Variants in GRIK2 observed in about 807,000 individuals in gnomAD.
The protein encoded by GRIK2 is glutamate ionotropic receptor kainate type subunit 2, also known as glutamate receptor ionotropic, kainate 2.
A neutral mutation model predicts 100.3 loss-of-function variants in GRIK2; 32 were observed. The ratio of observed to expected loss-of-function variants is 0.32; its 90% CI spans 0.24 to 0.43. GRIK2 has a LOEUF of 0.43. Among genes scored for constraint, GRIK2 ranks in the 20% least tolerant of loss-of-function variants. The pLI is 1.00. For synonymous variants in GRIK2, 417 were observed against 389.4 expected (o/e 1.07, Z -0.83); for missense variants, 843 against 1,114.9 (o/e 0.76, Z 3.47).
chr6:101,839,110 A>G (rs1021378891), intron 10 of GRIK2, among the ~76,000 whole-genome samples: 2 of 152,090 alleles, frequency 1.3e-5, no homozygotes, highest in Non-Finnish European at 2.9e-5. Flanking sequence ...CTTCAAACAC[A>G]ATTTTTTGTA....
intron 14 of GRIK2, among the ~76,000 whole-genome samples, chr6:102,008,915 C>A (rs1274395329): frequency 6.6e-6 from 1 of 151,888 alleles, no homozygotes; most frequent in Non-Finnish European, 1.5e-5. Flanking sequence ...TACATGTATA[C>A]ACACATGTCC....
intron 7 of GRIK2, among the ~76,000 whole-genome samples, chr6:101,760,560 T>TTATATATAATTATATA (rs1251861646): frequency 1.1e-4 from 10 of 94,606 alleles, no homozygotes; most frequent in African/African-American, 5.2e-4. Context: ...TTATATATAA[T>TTATATATAATTATATA]TAATTATATT....
chr6:101,702,442 T>C (rs1772965662), intron 7 of GRIK2, among the ~76,000 whole-genome samples: 1 of 152,030 alleles, frequency 6.6e-6, no homozygotes, highest in Admixed American at 6.6e-5. Context: ...GGCCAAATGT[T>C]AGCTTTGATT....
intron 6 of GRIK2, among the ~76,000 whole-genome samples, chr6:101,684,442 T>C (rs577089353): frequency 6.6e-6 from 1 of 152,286 alleles, no homozygotes; most frequent in African/African-American, 2.4e-5. Context: ...TGAACTGATG[T>C]GGATCAGTCT....
intron 14 of GRIK2, among the ~76,000 whole-genome samples, chr6:101,983,909 T>C (rs1032573228): frequency 4.0e-5 from 6 of 151,810 alleles, no homozygotes; most frequent in Non-Finnish European, 8.9e-5. Context: ...ACCATATATA[T>C]ATTTTTGAAA....
chr6:101,773,273 G>C (rs1778518253), intron 7 of GRIK2, among the ~76,000 whole-genome samples: 1 of 152,094 alleles, frequency 6.6e-6, no homozygotes, highest in Admixed American at 6.6e-5. Flanking sequence ...GAGGTGAGGA[G>C]ATCGAGACCA....
intron 15 of GRIK2, among the ~76,000 whole-genome samples, chr6:102,054,231 C>T (rs986128892): frequency 6.6e-6 from 1 of 152,096 alleles, no homozygotes; most frequent in African/African-American, 2.4e-5. Flanking sequence ...CTATGGTTCT[C>T]GTCTTTCTAC....
chr6:102,061,519 A>C (rs1771750353), intron 16 of GRIK2, among the ~76,000 whole-genome samples: 1 of 150,594 alleles, frequency 6.6e-6, no homozygotes, highest in Non-Finnish European at 1.5e-5. Flanking sequence ...TAGGAGTTTG[A>C]ATTAGATAAA....
chr6:101,772,327 C>T (rs1778455024), intron 7 of GRIK2, among the ~76,000 whole-genome samples: 1 of 152,158 alleles, frequency 6.6e-6, no homozygotes, highest in Non-Finnish European at 1.5e-5. Flanking sequence ...TATGTTTATA[C>T]CTGGAGCTAG....
chr6:101,401,607 G>T (rs1385037581), intron 2 of GRIK2, among the ~76,000 whole-genome samples: 1 of 152,196 alleles, frequency 6.6e-6, no homozygotes, highest in Non-Finnish European at 1.5e-5. Context: ...GACCTAAGTT[G>T]TGGGGAAGAA....
intron 2 of GRIK2, among the ~76,000 whole-genome samples, chr6:101,596,940 A>G (rs1209534786): frequency 1.3e-5 from 2 of 151,830 alleles, no homozygotes; most frequent in Non-Finnish European, 2.9e-5. Context: ...ACATGCACTT[A>G]TATGTTAATC....
At chr6:101,641,427 A>G (rs1781273055) in intron 4 of GRIK2, among the ~76,000 whole-genome samples, 1 of 151,980 alleles carries the variant, frequency 6.6e-6, no homozygotes, top group Non-Finnish European at 1.5e-5. Flanking sequence ...CCTATTAATA[A>G]CACAATGAAA....
intron 7 of GRIK2, among the ~76,000 whole-genome samples, chr6:101,692,257 C>G (rs1168521196): frequency 6.6e-6 from 1 of 152,014 alleles, no homozygotes; most frequent in Non-Finnish European, 1.5e-5. Context: ...ATCAAACCAA[C>G]TCAACATTTT....
chr6:101,778,673 A>C (rs1778894633), intron 7 of GRIK2, among the ~76,000 whole-genome samples: 3 of 152,126 alleles, frequency 2.0e-5, no homozygotes, highest in Admixed American at 6.6e-5. Flanking sequence ...GCTGAGAAAA[A>C]TTTTTAGTAC....
At chr6:101,534,142 T>A (rs1168240452) in intron 2 of GRIK2, among the ~76,000 whole-genome samples, 2 of 151,996 alleles carry the variant, frequency 1.3e-5, no homozygotes, top group East Asian at 1.9e-4. Flanking sequence ...GTTTTATTTT[T>A]TTTTTTTGAA....
rs644217 is a variant in GRIK2 at position 101,611,818 on chromosome 6, C to T, written c.116-10131C>T. Among the ~76,000 whole-genome samples, 765 of 151,798 alleles carry T rather than the reference C, an allele frequency of 5.0e-3. 8 individuals are homozygous for T. Among genetic ancestry groups the T allele is most frequent in the African/African-American group, 0.018 (749 of 41,444 alleles). Reference sequence around the variant, plus strand: ...CTTATTTATTTTTCCATGGTGTGTCCACGGGTCACATGTATATATGTTTTA... The same window carrying T: ...CTTATTTATTTTTCCATGGTGTGTCTACGGGTCACATGTATATATGTTTTA... On this transcript the variant is annotated intron_variant, in intron 2 of 16. Coordinates refer to ENST00000369134, the MANE Select transcript of GRIK2 (RefSeq NM_021956.5).
chr6:101,688,707 A>C (rs1771884636), intron 7 of GRIK2, among the ~76,000 whole-genome samples: 1 of 151,972 alleles, frequency 6.6e-6, no homozygotes, highest in South Asian at 2.1e-4. Context: ...CATTATATAT[A>C]AACCATGGAT....
intron 13 of GRIK2, among the ~76,000 whole-genome samples, chr6:101,926,985 T>G (rs555227488): frequency 5.2e-4 from 79 of 152,320 alleles, no homozygotes; most frequent in Non-Finnish European, 1.0e-3. Context: ...CCAATGCTGC[T>G]CATCATCTTG....
At chr6:101,547,984 T>G (rs56321518) in intron 2 of GRIK2, among the ~76,000 whole-genome samples, 43,680 of 151,146 alleles carry the variant, frequency 0.29, 7,992 homozygotes, top group Non-Finnish European at 0.41. Flanking sequence ...AGCACCTGTT[T>G]TTTCCTGACT....
Sources: gnomAD v4.1 joint callset for allele counts (sites outside exome capture counted in the v4.1 genomes callset) on GRCh38, gnomAD v4.1.1 for gene constraint, MANE v1.5 for transcripts, NCBI Gene and HGNC (gene_info 2026-07-23, HGNC 2026-07-21) for gene names.